LHFPL6: variants seen among roughly 807,000 people sequenced by gnomAD.
LHFPL6 encodes LHFPL tetraspan subfamily member 6, also known as LHFPL tetraspan subfamily member 6 protein.
A neutral mutation model predicts 20.6 loss-of-function variants in LHFPL6; 9 were observed. The ratio of observed to expected loss-of-function variants is 0.44; its 90% CI spans 0.26 to 0.76. LHFPL6 has a LOEUF of 0.76. Ranked by LOEUF, LHFPL6 falls within the 30% of genes least tolerant of loss-of-function variation. LHFPL6 has a pLI of 0.20. For missense variants in LHFPL6, 218 were observed against 253.5 expected (o/e 0.86, Z 0.95); for synonymous variants, 105 against 98.7 (o/e 1.06, Z -0.38).
chr13:39,442,138 T>C (rs1382223062), intron 2 of LHFPL6, among the ~76,000 whole-genome samples: 2 of 152,164 alleles, frequency 1.3e-5, no homozygotes, highest in African/African-American at 4.8e-5. Context: ...TGGCTAAAAC[T>C]TCTTTAGGTG....
At chr13:39,560,878 A>G (rs528491944) in intron 2 of LHFPL6, among the ~76,000 whole-genome samples, 3 of 152,188 alleles carry the variant, frequency 2.0e-5, no homozygotes, top group East Asian at 3.9e-4. Context: ...TGTCATGTCC[A>G]CTATAACCAG....
At chr13:39,358,389 A>T (rs990343561) in intron 3 of LHFPL6, among the ~76,000 whole-genome samples, 2 of 152,208 alleles carry the variant, frequency 1.3e-5, no homozygotes, top group African/African-American at 4.8e-5. Context: ...ATATGCAAAA[A>T]TTAACTCGAG....
intron 3 of LHFPL6, 81 bp downstream of exon 3, chr13:39,378,347 C>T (rs1420263903): frequency 8.7e-7 from 1 of 1,148,804 alleles, no homozygotes; most frequent in African/African-American, 1.5e-5. Context: ...TCTTATCTGT[C>T]CCCTTTCCAC....
In LHFPL6 at chr13:39,520,852, G is replaced by A. The variant is rs566174961; in HGVS notation, c.385+79980C>T. Reference sequence around the variant, plus strand: ...ATCCCCTCCCCATTTAATTAGATCAGAATCTCTGGGTGTGGGTCTGGACGT... The same window carrying A: ...ATCCCCTCCCCATTTAATTAGATCAAAATCTCTGGGTGTGGGTCTGGACGT... On this transcript the variant is annotated intron_variant, in intron 2 of 3. Coordinates refer to ENST00000379589, the MANE Select transcript of LHFPL6 (RefSeq NM_005780.3). Among the ~76,000 whole-genome samples the A allele has an allele frequency of 2.0e-5, 3 of 152,264 alleles. No homozygotes were observed. In the East Asian group the frequency reaches 5.8e-4, roughly 29 times the overall value.
At chr13:39,488,093 C>T (rs1175163834) in intron 2 of LHFPL6, among the ~76,000 whole-genome samples, 1 of 152,086 alleles carries the variant, frequency 6.6e-6, no homozygotes, top group Non-Finnish European at 1.5e-5. Flanking sequence ...CATAAGGGCC[C>T]CACCTTCATG....
chr13:39,430,068 T>G (rs1871747884), intron 2 of LHFPL6, among the ~76,000 whole-genome samples: 1 of 152,234 alleles, frequency 6.6e-6, no homozygotes. Flanking sequence ...GGGCATCTTG[T>G]CTAAGCACAC....
intron 2 of LHFPL6, among the ~76,000 whole-genome samples, chr13:39,554,367 A>C (rs1463951791): frequency 6.6e-6 from 1 of 152,196 alleles, no homozygotes; most frequent in East Asian, 1.9e-4. Flanking sequence ...AAGAGGAATA[A>C]TTTTCTTACT....
At chr13:39,439,888 T>G (rs929170414) in intron 2 of LHFPL6, among the ~76,000 whole-genome samples, 1 of 152,218 alleles carries the variant, frequency 6.6e-6, no homozygotes, top group Non-Finnish European at 1.5e-5. Context: ...CCTGTAGAAC[T>G]GTGAGTCAAC....
chr13:39,461,128 G>A (rs1333898574), intron 2 of LHFPL6, among the ~76,000 whole-genome samples: 1 of 152,118 alleles, frequency 6.6e-6, no homozygotes, highest in Non-Finnish European at 1.5e-5. Context: ...TTAGGATGAT[G>A]GCCTCCAGGT....
At chr13:39,400,663 G>T (rs1387050739) in intron 2 of LHFPL6, among the ~76,000 whole-genome samples, 1 of 148,616 alleles carries the variant, frequency 6.7e-6, no homozygotes, top group Non-Finnish European at 1.5e-5. Flanking sequence ...GGCGCCTGTA[G>T]TCCCAGCTAC....
chr13:39,488,479 C>G (rs949708235), intron 2 of LHFPL6, among the ~76,000 whole-genome samples: 2 of 152,148 alleles, frequency 1.3e-5, no homozygotes, highest in Admixed American at 6.5e-5. Context: ...CTTTTCCATT[C>G]CTGTCCTTTA....
intron 2 of LHFPL6, among the ~76,000 whole-genome samples, chr13:39,520,517 A>C (rs1056300499): frequency 6.6e-5 from 10 of 152,222 alleles, no homozygotes; most frequent in Non-Finnish European, 1.3e-4. Flanking sequence ...AAAATAAAAA[A>C]GAGTCCAAGT....
chr13:39,446,891 C>T (rs182500860), intron 2 of LHFPL6, among the ~76,000 whole-genome samples: 168 of 152,174 alleles, frequency 1.1e-3, no homozygotes, highest in African/African-American at 3.9e-3. Flanking sequence ...CACCTGAATA[C>T]GAATAAGGAG....
At chr13:39,594,744 T>G (rs937757770) in intron 2 of LHFPL6, among the ~76,000 whole-genome samples, 1 of 152,120 alleles carries the variant, frequency 6.6e-6, no homozygotes, top group Non-Finnish European at 1.5e-5. Flanking sequence ...TAGACTGGAT[T>G]AAGAAAATGT....
At chr13:39,592,211 T>A (rs1186517675) in intron 2 of LHFPL6, among the ~76,000 whole-genome samples, 1 of 152,010 alleles carries the variant, frequency 6.6e-6, no homozygotes, top group East Asian at 1.9e-4. Flanking sequence ...AAACAAGCTT[T>A]TTAGAAAAAA....
intron 1 of LHFPL6, 84 bp from the exon 2 acceptor site, chr13:39,601,474 T>A (rs192454263): frequency 2.8e-5 from 10 of 350,972 alleles, no homozygotes; most frequent in African/African-American, 2.0e-4. Flanking sequence ...AATTTTCAAT[T>A]AATAAACATT....
chr13:39,422,060 T>C (rs1359642427), intron 2 of LHFPL6, among the ~76,000 whole-genome samples: 2 of 152,230 alleles, frequency 1.3e-5, no homozygotes, highest in African/African-American at 4.8e-5. Context: ...GAGATGATCA[T>C]ATCTCATGCC....
chr13:39,449,763 C>T (rs1038886057), intron 2 of LHFPL6, among the ~76,000 whole-genome samples: 15 of 150,998 alleles, frequency 9.9e-5, no homozygotes, highest in Non-Finnish European at 1.6e-4. Flanking sequence ...TTTAAAGTCA[C>T]GATATCTGTG....
At chr13:39,594,050 G>A (rs1389250291) in intron 2 of LHFPL6, among the ~76,000 whole-genome samples, 2 of 152,202 alleles carry the variant, frequency 1.3e-5, no homozygotes, top group African/African-American at 4.8e-5. Flanking sequence ...CAGGACATAG[G>A]CATGGGCAAG....
Sources: gnomAD v4.1 joint callset for allele counts (sites outside exome capture counted in the v4.1 genomes callset) on GRCh38, gnomAD v4.1.1 for gene constraint, MANE v1.5 for transcripts, NCBI Gene and HGNC (gene_info 2026-07-23, HGNC 2026-07-21) for gene names.